DCK: variants seen among roughly 807,000 people sequenced by gnomAD.
DCK encodes the protein deoxyadenosine kinase.
In DCK, 23 loss-of-function variants were observed where a neutral mutation model predicts 38.3. That is an observed-to-expected ratio of 0.60 (90% CI 0.43 to 0.85). The LOEUF (loss-of-function observed/expected upper bound fraction) is 0.85. Ranked by LOEUF, DCK falls within the 40% of genes least tolerant of loss-of-function variation. The pLI is 0.00. For missense variants in DCK, 259 were observed against 304.4 expected (o/e 0.85, Z 1.11); for synonymous variants, 108 against 100.6 (o/e 1.07, Z -0.44).
intron 1 of DCK, among the ~76,000 whole-genome samples, chr4:70,996,332 C>T (rs1464126497): frequency 6.6e-6 from 1 of 152,124 alleles, no homozygotes; most frequent in Non-Finnish European, 1.5e-5. Flanking sequence ...CACTGCCCTA[C>T]AGCCTGGGCT....
At chr4:70,998,005 C>T in intron 1 of DCK, 62 bp from the exon 2 acceptor site, 1 of 748,200 alleles carries the variant, frequency 1.3e-6, no homozygotes, top group Non-Finnish European at 2.2e-6. Flanking sequence ...AAGCTAATGA[C>T]TACTTGACAT....
intron 2 of DCK, among the ~76,000 whole-genome samples, chr4:71,003,408 C>A (rs986687055): frequency 1.3e-5 from 2 of 152,166 alleles, no homozygotes; most frequent in African/African-American, 2.4e-5. Flanking sequence ...CTCATTTTAA[C>A]CTTGGTGAAT....
At chr4:71,007,946 C>T (rs867138321) in intron 2 of DCK, among the ~76,000 whole-genome samples, 1 of 152,156 alleles carries the variant, frequency 6.6e-6, no homozygotes, top group Non-Finnish European at 1.5e-5. Context: ...AGGCTGGTTT[C>T]AAACTCCTGG....
intron 2 of DCK, among the ~76,000 whole-genome samples, chr4:71,021,745 G>A (rs1395124619): frequency 3.3e-5 from 5 of 152,164 alleles, no homozygotes; most frequent in African/African-American, 1.2e-4. Context: ...AAAAGAAGAC[G>A]TAATCCCTGC....
chr4:70,999,329 G>T (rs990832496), intron 2 of DCK, among the ~76,000 whole-genome samples: 3 of 152,178 alleles, frequency 2.0e-5, no homozygotes, highest in African/African-American at 7.2e-5. Flanking sequence ...CTTCATCCAT[G>T]TCCCTGCAAA....
intron 2 of DCK, among the ~76,000 whole-genome samples, chr4:71,021,231 G>A (rs1173718582): frequency 1.3e-5 from 2 of 151,216 alleles, no homozygotes; most frequent in Admixed American, 6.6e-5. Flanking sequence ...GCCCGCCACC[G>A]CGCCCGGCTA....
intron 1 of DCK, among the ~76,000 whole-genome samples, chr4:70,996,681 T>C (rs2148911367): frequency 6.6e-6 from 1 of 152,374 alleles, no homozygotes; most frequent in African/African-American, 2.4e-5. Flanking sequence ...GCAATTCCTC[T>C]ATTTTTCCTA....
Position 70,993,673 on chromosome 4 carries a change from C to G in DCK, c.-163C>G. On this transcript the variant is annotated 5_prime_UTR_variant, in exon 1 of 7. Coordinates refer to ENST00000286648, the MANE Select transcript of DCK (RefSeq NM_000788.3). ...CAGTGTCCTCAGCTGCCTCCGCGCG[C>G]CAAAGTCAAACCCCGACACCCGCCG... 1.8e-6 allele frequency: 1 copy of G among 563,562 alleles called. No individual in the cohort carries two copies. The highest frequency in any genetic ancestry group is 3.2e-5 in the East Asian group (1 of 31,442). 34.9% of individuals were successfully genotyped at this position (563,562 alleles called of 1,614,324 possible).
intron 2 of DCK, among the ~76,000 whole-genome samples, chr4:71,016,226 G>C (rs1237438981): frequency 1.3e-5 from 2 of 152,140 alleles, no homozygotes; most frequent in African/African-American, 4.8e-5. Flanking sequence ...CAACTTACAA[G>C]GGATGTGAAG....
chr4:71,022,614 AC>A, intron 3 of DCK, 54 bp downstream of exon 3: 3 of 1,020,920 alleles, frequency 2.9e-6, no homozygotes, highest in South Asian at 3.7e-5. Flanking sequence ...TTAGAACTGG[AC>A]TTTTTTTTTT....
At chr4:71,014,094 CA>C (rs910338458) in intron 2 of DCK, among the ~76,000 whole-genome samples, 5 of 150,882 alleles carry the variant, frequency 3.3e-5, no homozygotes, top group African/African-American at 7.3e-5. Context: ...AAATGGAAAA[CA>C]AAAAAAAGGC....
chr4:71,018,118 G>A (rs2148917837), intron 2 of DCK, among the ~76,000 whole-genome samples: 1 of 139,686 alleles, frequency 7.2e-6, no homozygotes, highest in African/African-American at 2.5e-5. Flanking sequence ...TTGTATTCTA[G>A]ATTATTTCTT....
chr4:70,998,130 C>T lies in DCK; in HGVS notation c.155C>T (p.Pro52Leu), dbSNP rs1483413006. The part of the protein sequence containing the change: ...KQLCEDWEVV[P>L]EPVARWCNVQ... ...TTGTGTGAAGATTGGGAAGTGGTTC[C>T]TGAACCTGTTGCCAGATGGTGCAAT... The change falls in exon 2 of 7, where the codon CCT becomes CTT. Residue 52 changes from proline to leucine, a missense_variant. Coordinates refer to ENST00000286648, the MANE Select transcript of DCK (RefSeq NM_000788.3). 5.6e-6 allele frequency: 9 copies of T among 1,609,280 alleles called. No individual in the cohort carries two copies. The East Asian group carries it at 2.0e-4, about 36-fold the overall frequency.
At chr4:70,995,504 C>CA (rs1185346606) in intron 1 of DCK, among the ~76,000 whole-genome samples, 1 of 151,990 alleles carries the variant, frequency 6.6e-6, no homozygotes, top group Non-Finnish European at 1.5e-5. Flanking sequence ...TGCTTGAGCC[C>CA]AAAGATCAAG....
chr4:71,007,988 G>C (rs1432944361), intron 2 of DCK, among the ~76,000 whole-genome samples: 1 of 152,136 alleles, frequency 6.6e-6, no homozygotes, highest in Non-Finnish European at 1.5e-5. Flanking sequence ...CAGCCTCCCA[G>C]AGTGTTGGGA....
chr4:70,997,866 A>C (rs1739694322), intron 1 of DCK, among the ~76,000 whole-genome samples: 1 of 152,246 alleles, frequency 6.6e-6, no homozygotes, highest in African/African-American at 2.4e-5. Flanking sequence ...AAACGTAATA[A>C]AAAACAAATG....
Position 71,002,411 on chromosome 4 carries a change from C to T in DCK, c.207+4229C>T, listed in dbSNP as rs72854180. Among the ~76,000 whole-genome samples, 1,510 of 152,200 alleles carry T rather than the reference C, an allele frequency of 9.9e-3. 39 individuals are homozygous for T. The highest frequency in any genetic ancestry group is 0.035 in the African/African-American group (1,450 of 41,502). ...TGTGGTCAATTTTAGAGTAAGTGCACTGTGGTACTGAGAATAATGTATATT... is the reference window on the plus strand; with the variant it reads ...TGTGGTCAATTTTAGAGTAAGTGCATTGTGGTACTGAGAATAATGTATATT... On this transcript the variant is annotated intron_variant, in intron 2 of 6. Coordinates refer to ENST00000286648, the MANE Select transcript of DCK (RefSeq NM_000788.3).
chr4:71,004,944 AG>A (rs1739903118), intron 2 of DCK, among the ~76,000 whole-genome samples: 1 of 147,738 alleles, frequency 6.8e-6, no homozygotes, highest in Non-Finnish European at 1.5e-5. Context: ...CCCTGGCTTC[AG>A]CCCCCTTGGC....
intron 3 of DCK, 30 bp downstream of exon 3, chr4:71,022,590 T>C: frequency 7.6e-7 from 1 of 1,317,212 alleles, no homozygotes; most frequent in East Asian, 2.8e-5. Flanking sequence ...ACGTGGCCAT[T>C]TGAAGTTTTT....
Sources: allele counts gnomAD v4.1 joint callset (sites outside exome capture counted in the v4.1 genomes callset), GRCh38; gene constraint gnomAD v4.1.1; transcripts MANE v1.5; gene names NCBI Gene and HGNC (gene_info 2026-07-23, HGNC 2026-07-21).